Variants in DMD observed in about 807,000 individuals in gnomAD.
DMD encodes mutant dystrophin.
In DMD, 63 loss-of-function variants were observed where a neutral mutation model predicts 330.1. That is an observed-to-expected ratio of 0.19 (90% CI 0.16 to 0.24). The LOEUF (loss-of-function observed/expected upper bound fraction) is 0.24, where lower values mean the gene tolerates loss of function less well. Among genes scored for constraint, DMD ranks in the 10% least tolerant of loss-of-function variants. DMD has a pLI of 1.00. For synonymous variants in DMD, 1,223 were observed against 959.8 expected (o/e 1.27, Z -5.07); for missense variants, 3,344 against 2,684.1 (o/e 1.25, Z -5.43).
chrX:32,561,733 G>C (rs770651473), intron 16 of DMD, among the ~76,000 whole-genome samples: 1 of 111,186 alleles, frequency 9.0e-6, no homozygotes, highest in Non-Finnish European at 1.9e-5. Flanking sequence ...CCCAACATAC[G>C]TAATCATACA....
At chrX:32,972,320 G>A (rs900715432) in intron 2 of DMD, among the ~76,000 whole-genome samples, 1 of 108,674 alleles carries the variant, frequency 9.2e-6, no homozygotes, top group Non-Finnish European at 1.9e-5. Context: ...TGGGAATACA[G>A]GCATGCACCA....
intron 51 of DMD, among the ~76,000 whole-genome samples, chrX:31,752,555 G>A (rs753097737): frequency 9.0e-6 from 1 of 110,649 alleles, no homozygotes; most frequent in South Asian, 3.9e-4. Context: ...GAATTGAGGT[G>A]GAAACTGGAG....
At position 32,926,617 on chromosome X, in the gene DMD, C is replaced by T. The variant is rs762078478; in HGVS notation, c.94-76797G>A. ...CACACAAAAAATTAGCAGGATGTGGCGGCGTGAGGCTGTAGTCCCAGCTAC... is the reference window on the plus strand; with the variant it reads ...CACACAAAAAATTAGCAGGATGTGGTGGCGTGAGGCTGTAGTCCCAGCTAC... On this transcript the variant is annotated intron_variant, in intron 2 of 78. Coordinates refer to ENST00000357033, the MANE Select transcript of DMD (RefSeq NM_004006.3). 1.7e-4 allele frequency among the ~76,000 whole-genome samples: 19 copies of T among 108,900 alleles called. No homozygotes were observed. In the East Asian group the frequency reaches 3.8e-3, roughly 22 times the overall value. 94.6% of individuals were successfully genotyped at this position (108,900 alleles called of 115,157 possible).
At chrX:32,862,326 T>C (rs564015438) in intron 2 of DMD, among the ~76,000 whole-genome samples, 2 of 112,162 alleles carry the variant, frequency 1.8e-5, no homozygotes, top group African/African-American at 6.5e-5. Flanking sequence ...TTAAGTACAC[T>C]AGAAATGATT....
intron 1 of DMD, chrX:33,128,566 G>T: frequency 1.7e-6 from 1 of 592,383 alleles, no homozygotes; most frequent in Non-Finnish European, 2.1e-6. Context: ...ATTTATCTGA[G>T]TCTGAAGCAG....
rs1228315056 is a variant in DMD, at chrX:32,977,937, G to T, written c.93+42202C>A. On this transcript the variant is annotated intron_variant, in intron 2 of 78. Transcript: ENST00000357033. ...CATTTTCACAGCCAGGAAAAACATAGAATTTTTTTCAAATTTCAAAATGCC... is the reference window on the plus strand; with the variant it reads ...CATTTTCACAGCCAGGAAAAACATATAATTTTTTTCAAATTTCAAAATGCC... 9.9e-5 allele frequency among the ~76,000 whole-genome samples: 11 copies of T among 111,459 alleles called. No homozygotes were observed. The Admixed American group carries it at 1.1e-3, about 11-fold the overall frequency.
chrX:32,964,255 C>CAAAAAA (rs781702491), intron 2 of DMD, among the ~76,000 whole-genome samples: 1 of 35,188 alleles, frequency 2.8e-5, no homozygotes, highest in Non-Finnish European at 5.1e-5. Flanking sequence ...GACTCCATCT[C>CAAAAAA]AAAAAAAAAA....
intron 1 of DMD, among the ~76,000 whole-genome samples, chrX:33,021,614 A>G (rs140477550): frequency 0.012 from 1,308 of 111,614 alleles, 24 homozygotes; most frequent in African/African-American, 0.04. Context: ...TGCACCAAAA[A>G]TATCTGTTTA....
At chrX:33,168,492 G>A (rs2049171984) in intron 1 of DMD, among the ~76,000 whole-genome samples, 1 of 108,216 alleles carries the variant, frequency 9.2e-6, no homozygotes, top group South Asian at 3.9e-4. Context: ...TTGGAAACTT[G>A]CATTCAGATA....
At chrX:32,915,483 C>T (rs1346402809) in intron 2 of DMD, among the ~76,000 whole-genome samples, 3 of 111,461 alleles carry the variant, frequency 2.7e-5, no homozygotes, top group African/African-American at 9.8e-5. Context: ...ATGTAGGTTT[C>T]CCTATTTTCA....
chrX:31,459,178 CATACAGTCTGCTTGCTTGGGGGCAG>C lies in DMD; in HGVS notation c.8938-14576_8938-14552del, dbSNP rs767264661. Among the ~76,000 whole-genome samples, 236 of 111,679 alleles carry C rather than the reference CATACAGTCTGCTTGCTTGGGGGCAG, an allele frequency of 2.1e-3. 7 individuals carry two copies. The highest frequency in any genetic ancestry group is 0.019 in the Admixed American group (201 of 10,460). On this transcript the variant is annotated intron_variant, in intron 59 of 78. Transcript: ENST00000357033. ...AGGTGAAGCAGGTAAAATGCCGTTG[CATACAGTCTGCTTGCTTGGGGGCAG>C]ATAAGAAACTTAAATCACAGGTCAG...
chrX:32,119,238 G>T (rs1276973062), intron 44 of DMD, among the ~76,000 whole-genome samples: 1 of 108,372 alleles, frequency 9.2e-6, no homozygotes, highest in Non-Finnish European at 1.9e-5. Context: ...GGAGGCTGTG[G>T]CATGAGAATC....
At chrX:31,776,989 G>C (rs2090708658) in intron 50 of DMD, among the ~76,000 whole-genome samples, 2 of 111,970 alleles carry the variant, frequency 1.8e-5, no homozygotes, top group African/African-American at 6.5e-5. Flanking sequence ...CTGGGAAAGG[G>C]AGGGGAAACC....
At chrX:32,364,809 T>G in intron 35 of DMD, 99 bp from the exon 36 acceptor site, 2 of 961,801 alleles carry the variant, frequency 2.1e-6, no homozygotes, top group Non-Finnish European at 2.9e-6. Context: ...ACAATAAAGT[T>G]TCATTGAGAT....
intron 7 of DMD, among the ~76,000 whole-genome samples, chrX:32,754,730 T>A (rs1400219828): frequency 1.8e-5 from 2 of 111,242 alleles, no homozygotes; most frequent in East Asian, 5.7e-4. Context: ...AAATATGAGG[T>A]CAATAAATAT....
At chrX:31,623,414 C>T (rs1222390789) in intron 55 of DMD, among the ~76,000 whole-genome samples, 2 of 111,006 alleles carry the variant, frequency 1.8e-5, no homozygotes, top group Non-Finnish European at 3.8e-5. Context: ...CAGGCGTACT[C>T]CACCACACCC....
At chrX:32,785,022 T>C (rs12387491) in intron 7 of DMD, among the ~76,000 whole-genome samples, 3,530 of 110,469 alleles carry the variant, frequency 0.032, 150 homozygotes, top group African/African-American at 0.11. Flanking sequence ...AAAGTAAGCC[T>C]GGGGCACATA....
intron 5 of DMD, among the ~76,000 whole-genome samples, chrX:32,818,298 T>G (rs949423944): frequency 3.6e-5 from 4 of 112,015 alleles, no homozygotes; most frequent in Non-Finnish European, 7.5e-5. Context: ...AACTCCTTTA[T>G]AGCATCATTA....
intron 21 of DMD, among the ~76,000 whole-genome samples, chrX:32,473,163 GACATA>G (rs983774835): frequency 6.3e-5 from 7 of 111,188 alleles, no homozygotes; most frequent in African/African-American, 2.3e-4. Flanking sequence ...CCATAAAAAG[GACATA>G]ACATATTTTA....
Sources: gnomAD v4.1 joint callset for allele counts (sites outside exome capture counted in the v4.1 genomes callset) on GRCh38, gnomAD v4.1.1 for gene constraint, MANE v1.5 for transcripts, NCBI Gene and HGNC (gene_info 2026-07-23, HGNC 2026-07-21) for gene names.